Variants in CSMD1 observed in about 807,000 individuals in gnomAD.
CSMD1 encodes CUB and sushi domain-containing protein 1.
Under a neutral mutation model 417.5 loss-of-function variants are expected in CSMD1, and 213 were observed. That is an observed-to-expected ratio of 0.51 (90% CI 0.46 to 0.57). The LOEUF (loss-of-function observed/expected upper bound fraction) is 0.57, where lower values mean the gene tolerates loss of function less well. Ranked by LOEUF, CSMD1 falls within the 20% of genes least tolerant of loss-of-function variation. The probability of loss-of-function intolerance (pLI) is 0.00; values close to 1 mark genes in which losing one functional copy is unlikely to be tolerated. For synonymous variants in CSMD1, 2,862 were observed against 1,736.8 expected, an observed-to-expected ratio of 1.65 and a Z score of -16.11; for missense variants, 6,923 against 4,529.7, an observed-to-expected ratio of 1.53 and a Z score of -15.17.
intron 5 of CSMD1, among the ~76,000 whole-genome samples, chr8:3,949,223 C>A (rs1249324396): frequency 2.6e-5 from 4 of 152,130 alleles, no homozygotes; most frequent in Admixed American, 2.6e-4. Context: ...TTAAAATCTT[C>A]TGTTAGCAAT....
chr8:4,447,644 C>A (rs143518809), intron 2 of CSMD1, among the ~76,000 whole-genome samples: 1 of 152,092 alleles, frequency 6.6e-6, no homozygotes, highest in African/African-American at 2.4e-5. Context: ...GACAGGTTTA[C>A]GGAAAAGGAA....
chr8:4,466,181 T>C (rs1229010875), intron 2 of CSMD1, among the ~76,000 whole-genome samples: 1 of 152,072 alleles, frequency 6.6e-6, no homozygotes, highest in East Asian at 1.9e-4. Flanking sequence ...TTAAGAGCTG[T>C]TTAAGATTGG....
chr8:4,708,179 T>A (rs1808071582), intron 1 of CSMD1, among the ~76,000 whole-genome samples: 1 of 152,118 alleles, frequency 6.6e-6, no homozygotes, highest in African/African-American at 2.4e-5. Context: ...GGTCTGAATC[T>A]CCACAAACAA....
intron 7 of CSMD1, among the ~76,000 whole-genome samples, chr8:3,706,860 A>T (rs1563293253): frequency 6.6e-6 from 1 of 152,166 alleles, no homozygotes; most frequent in South Asian, 2.1e-4. Flanking sequence ...TTTTTAAAAA[A>T]CCCTTTATTC....
intron 1 of CSMD1, among the ~76,000 whole-genome samples, chr8:4,669,534 T>C (rs1217801705): frequency 1.5e-4 from 23 of 152,198 alleles, no homozygotes; most frequent in Admixed American, 1.5e-3. Context: ...TTGACACATA[T>C]CAATGAGAAT....
chr8:3,264,596 A>G (rs1207340696), intron 26 of CSMD1, among the ~76,000 whole-genome samples: 1 of 152,182 alleles, frequency 6.6e-6, no homozygotes, highest in Admixed American at 6.5e-5. Flanking sequence ...ACAATCATTT[A>G]TATTTGCAGA....
chr8:3,028,040 C>T (rs919727904), intron 51 of CSMD1, among the ~76,000 whole-genome samples: 3 of 152,166 alleles, frequency 2.0e-5, no homozygotes, highest in African/African-American at 7.2e-5. Flanking sequence ...AAGACAGGGA[C>T]ACCGTAGGTG....
At chr8:3,151,591 A>G (rs1819199703) in intron 39 of CSMD1, 78 bp from the exon 40 acceptor site, 3 of 867,984 alleles carry the variant, frequency 3.5e-6, no homozygotes, top group African/African-American at 3.3e-5. Flanking sequence ...GCTTCACTCA[A>G]CTATGCTGAG....
intron 4 of CSMD1, among the ~76,000 whole-genome samples, chr8:4,015,007 A>T (rs1454350375): frequency 6.6e-6 from 1 of 152,186 alleles, no homozygotes; most frequent in African/African-American, 2.4e-5. Flanking sequence ...AACCACGTAG[A>T]CCAGGTTTAC....
chr8:4,634,203 A>G (rs534725536), intron 2 of CSMD1, among the ~76,000 whole-genome samples: 1 of 152,276 alleles, frequency 6.6e-6, no homozygotes, highest in Admixed American at 6.5e-5. Flanking sequence ...TACTAAAGAA[A>G]TAATCCAAGA....
intron 12 of CSMD1, among the ~76,000 whole-genome samples, chr8:3,464,711 G>A (rs561713384): frequency 6.6e-6 from 1 of 151,834 alleles, no homozygotes; most frequent in Admixed American, 6.6e-5. Context: ...GTCATATAGA[G>A]TTTGCTTATG....
At chr8:3,360,542 G>C (rs77335111) in intron 20 of CSMD1, among the ~76,000 whole-genome samples, 1 of 152,190 alleles carries the variant, frequency 6.6e-6, no homozygotes, top group Non-Finnish European at 1.5e-5. Flanking sequence ...GTATCAAACA[G>C]TCAGCCAGCC....
chr8:4,786,488 T>G (rs1215568138), intron 1 of CSMD1, among the ~76,000 whole-genome samples: 1 of 152,240 alleles, frequency 6.6e-6, no homozygotes, highest in African/African-American at 2.4e-5. Flanking sequence ...TATCTCATTT[T>G]ATTTTATTGG....
intron 37 of CSMD1, among the ~76,000 whole-genome samples, chr8:3,169,061 A>G (rs1429384596): frequency 1.3e-5 from 2 of 152,204 alleles, no homozygotes; most frequent in Admixed American, 6.5e-5. Context: ...ATTTTGGTCT[A>G]CGTACCACCC....
chr8:3,689,646 G>A (rs919167771), intron 7 of CSMD1, among the ~76,000 whole-genome samples: 30 of 152,134 alleles, frequency 2.0e-4, no homozygotes, highest in African/African-American at 6.5e-4. Context: ...GGCAGGCCTG[G>A]TTCTGAAGGC....
intron 3 of CSMD1, among the ~76,000 whole-genome samples, chr8:4,055,037 T>C (rs188485067): frequency 1.3e-5 from 2 of 152,198 alleles, no homozygotes; most frequent in Non-Finnish European, 2.9e-5. Flanking sequence ...TTCACAAACT[T>C]ACATGAATAT....
intron 1 of CSMD1, among the ~76,000 whole-genome samples, chr8:4,735,165 C>G (rs986680241): frequency 6.6e-6 from 1 of 152,106 alleles, no homozygotes; most frequent in Non-Finnish European, 1.5e-5. Flanking sequence ...GGTAATGCTC[C>G]CTCACCAATG....
At chr8:3,737,758 T>C (rs17067257) in intron 6 of CSMD1, among the ~76,000 whole-genome samples, 1,857 of 152,318 alleles carry the variant, frequency 0.012, 35 homozygotes, top group African/African-American at 0.041. Context: ...ACCACATTCA[T>C]TTAAGCTCCC....
intron 63 of CSMD1, 147 bp downstream of exon 63, chr8:2,957,549 C>T: frequency 1.7e-6 from 1 of 593,886 alleles, no homozygotes; most frequent in Non-Finnish European, 3.0e-6. Flanking sequence ...GCTGCCAGTT[C>T]TAGGGAACCA....
Sources: allele counts gnomAD v4.1 joint callset (sites outside exome capture counted in the v4.1 genomes callset), GRCh38; gene constraint gnomAD v4.1.1; transcripts MANE v1.5; gene names NCBI Gene and HGNC (gene_info 2026-07-23, HGNC 2026-07-21).